MED12L: variants seen among roughly 807,000 people sequenced by gnomAD.
MED12L encodes the protein mediator of RNA polymerase II transcription subunit 12-like protein.
MED12L carries 60 observed loss-of-function variants against 281.3 expected under a neutral mutation model. That is an observed-to-expected ratio of 0.21 (90% CI 0.17 to 0.26). The LOEUF (loss-of-function observed/expected upper bound fraction) is 0.26, where lower values mean the gene tolerates loss of function less well. Among genes scored for constraint, MED12L ranks in the 10% least tolerant of loss-of-function variants. The probability of loss-of-function intolerance (pLI) is 1.00; values close to 1 mark genes in which losing one functional copy is unlikely to be tolerated. For synonymous variants in MED12L, 974 were observed against 987.2 expected (o/e 0.99, Z 0.25); for missense variants, 2,146 against 2,680.9 (o/e 0.80, Z 4.41).
intron 19 of MED12L, 142 bp from the exon 20 acceptor site, chr3:151,357,070 AG>A: frequency 1.5e-6 from 1 of 673,050 alleles, no homozygotes; most frequent in East Asian, 2.8e-5. Context: ...AAATTGGAAA[AG>A]GATTAAAAAT....
chr3:151,394,382 G>A (rs762424094), intron 38 of MED12L, among the ~76,000 whole-genome samples: 10 of 152,308 alleles, frequency 6.6e-5, no homozygotes, highest in Non-Finnish European at 1.3e-4. Context: ...ATGAAATTAT[G>A]CCAACAACTG....
intron 2 of MED12L, among the ~76,000 whole-genome samples, chr3:151,105,463 C>T (rs1008664487): frequency 3.9e-5 from 6 of 152,132 alleles, no homozygotes; most frequent in Non-Finnish European, 8.8e-5. Context: ...TCAGGTCACC[C>T]GGAATGGCCA....
At chr3:151,225,276 C>T (rs1730262912) in intron 16 of MED12L, among the ~76,000 whole-genome samples, 1 of 152,150 alleles carries the variant, frequency 6.6e-6, no homozygotes, top group Non-Finnish European at 1.5e-5. Flanking sequence ...CTGCTTAGCT[C>T]CTGTGTTAGT....
At chr3:151,216,939 T>G (rs1728351488) in intron 16 of MED12L, among the ~76,000 whole-genome samples, 1 of 152,158 alleles carries the variant, frequency 6.6e-6, no homozygotes, top group Admixed American at 6.5e-5. Flanking sequence ...TGCTGCTGTA[T>G]TCCCAGGTCT....
At chr3:151,427,825 T>C (rs1719042924) in intron 43 of MED12L, among the ~76,000 whole-genome samples, 1 of 152,216 alleles carries the variant, frequency 6.6e-6, no homozygotes, top group African/African-American at 2.4e-5. Context: ...CTATAGTTAA[T>C]AATGTATATT....
At chr3:151,371,997 A>C (rs978316285) in intron 26 of MED12L, among the ~76,000 whole-genome samples, 1 of 152,136 alleles carries the variant, frequency 6.6e-6, no homozygotes, top group African/African-American at 2.4e-5. Context: ...GTAAAAAAAC[A>C]GGGGTTATTC....
intron 5 of MED12L, among the ~76,000 whole-genome samples, chr3:151,133,818 A>G (rs912883676): frequency 6.6e-6 from 1 of 152,260 alleles, no homozygotes; most frequent in Non-Finnish European, 1.5e-5. Context: ...AGGCTAGCTA[A>G]TACTTAAAAA....
At chr3:151,152,089 T>G (rs543051280) in intron 5 of MED12L, among the ~76,000 whole-genome samples, 72 of 54,540 alleles carry the variant, frequency 1.3e-3, no homozygotes, top group South Asian at 9.1e-3. Context: ...AAGGTGGTTT[T>G]TTTTTTTTTT....
At chr3:151,426,738 TTA>T (rs1718920227) in intron 43 of MED12L, among the ~76,000 whole-genome samples, 1 of 152,220 alleles carries the variant, frequency 6.6e-6, no homozygotes, top group African/African-American at 2.4e-5. Context: ...AAAGATAAAC[TTA>T]TGTTCCTGGA....
intron 11 of MED12L, among the ~76,000 whole-genome samples, chr3:151,181,051 A>AG (rs1722636741): frequency 6.6e-6 from 1 of 151,992 alleles, no homozygotes; most frequent in Non-Finnish European, 1.5e-5. Flanking sequence ...TAAAAAAAAA[A>AG]CACTTCTGTT....
chr3:151,293,333 G>C (rs748846866), intron 16 of MED12L, among the ~76,000 whole-genome samples: 1 of 152,140 alleles, frequency 6.6e-6, no homozygotes, highest in Non-Finnish European at 1.5e-5. Flanking sequence ...TCTTCTTTTA[G>C]TCAGCAAACA....
At chr3:151,233,762 G>A (rs775323321) in intron 16 of MED12L, among the ~76,000 whole-genome samples, 1 of 152,130 alleles carries the variant, frequency 6.6e-6, no homozygotes, top group African/African-American at 2.4e-5. Flanking sequence ...ACACAGCACC[G>A]ACTTGAGAGC....
intron 16 of MED12L, among the ~76,000 whole-genome samples, chr3:151,205,212 C>T (rs888702539): frequency 3.9e-5 from 6 of 152,194 alleles, no homozygotes; most frequent in Non-Finnish European, 8.8e-5. Context: ...AGTTGCATGT[C>T]ATCACTAATA....
intron 38 of MED12L, among the ~76,000 whole-genome samples, chr3:151,392,269 G>T (rs990137195): frequency 6.6e-6 from 1 of 151,806 alleles, no homozygotes; most frequent in African/African-American, 2.4e-5. Context: ...TTAAAGACCA[G>T]CCTGGCCAAT....
At position 151,248,652 on chromosome 3, in the gene MED12L, G is replaced by A. The variant is rs192641740; in HGVS notation, c.2250+54986G>A. Among the ~76,000 whole-genome samples the A allele has an allele frequency of 2.2e-4, 34 of 152,072 alleles. 1 individual carries two copies. The highest frequency in any genetic ancestry group is 8.0e-4 in the African/African-American group (33 of 41,466). On this transcript the variant is annotated intron_variant, in intron 16 of 44. Coordinates refer to ENST00000687756, the MANE Select transcript of MED12L (RefSeq NM_001393769.1). ...TACAAGCCCCATGAAAGGAAATCAT[G>A]CCTTATCAAATTAAAAAAGGATACT...
At chr3:151,106,618 A>G (rs996114782) in intron 2 of MED12L, among the ~76,000 whole-genome samples, 1 of 152,158 alleles carries the variant, frequency 6.6e-6, no homozygotes, top group Non-Finnish European at 1.5e-5. Context: ...ACTTCCTGCT[A>G]CTGCTATGAC....
At chr3:151,158,662 A>T in intron 6 of MED12L, 27 bp from the exon 7 acceptor site, 1 of 1,459,696 alleles carries the variant, frequency 6.9e-7, no homozygotes, top group Non-Finnish European at 9.6e-7. Context: ...TAACATTATT[A>T]ATGTAATTTT....
At chr3:151,347,974 G>T (rs916593409) in intron 16 of MED12L, among the ~76,000 whole-genome samples, 2 of 152,168 alleles carry the variant, frequency 1.3e-5, no homozygotes, top group African/African-American at 4.8e-5. Flanking sequence ...CCTGTGCGAT[G>T]TGAGGAGCAC....
At chr3:151,248,246 C>G (rs954404154) in intron 16 of MED12L, among the ~76,000 whole-genome samples, 2 of 152,038 alleles carry the variant, frequency 1.3e-5, no homozygotes, top group Non-Finnish European at 2.9e-5. Context: ...AAAACAGCAA[C>G]TATGAGACCT....
Sources: allele counts gnomAD v4.1 joint callset (sites outside exome capture counted in the v4.1 genomes callset), GRCh38; gene constraint gnomAD v4.1.1; transcripts MANE v1.5; gene names NCBI Gene and HGNC (gene_info 2026-07-23, HGNC 2026-07-21).